DHRSX: variants seen among roughly 807,000 people sequenced by gnomAD.
The protein encoded by DHRSX is dehydrogenase/reductase X-linked.
DHRSX carries 31 observed loss-of-function variants against 34.0 expected under a neutral mutation model. The ratio of observed to expected loss-of-function variants is 0.91; its 90% CI spans 0.69 to 1.23. DHRSX has a LOEUF of 1.23. DHRSX is among the 50% of genes most tolerant of loss of function. The pLI is 0.00. For synonymous variants in DHRSX, 201 were observed against 183.8 expected, an observed-to-expected ratio of 1.09 and a Z score of -0.76; for missense variants, 414 against 428.1, an observed-to-expected ratio of 0.97 and a Z score of 0.29.
intron 3 of DHRSX, among the ~76,000 whole-genome samples, chrX:2,337,300 T>C (rs2042581155): frequency 6.6e-6 from 1 of 152,108 alleles, no homozygotes. Context: ...ACTTTCATTC[T>C]ATATTCTTTC....
At chrX:2,387,858 C>CA (rs1569496250) in intron 3 of DHRSX, among the ~76,000 whole-genome samples, 7 of 99,416 alleles carry the variant, frequency 7.0e-5, no homozygotes. Flanking sequence ...TCACAGCAGG[C>CA]GGAAAAAAAA....
intron 1 of DHRSX, among the ~76,000 whole-genome samples, chrX:2,476,669 G>A (rs1233417796): frequency 6.6e-6 from 1 of 152,088 alleles, no homozygotes; most frequent in African/African-American, 2.4e-5. Flanking sequence ...ATAAAGAAAA[G>A]GTGGTGTACA....
chrX:2,408,122 T>C (rs1010243454), intron 3 of DHRSX, among the ~76,000 whole-genome samples: 7 of 82,032 alleles, frequency 8.5e-5, no homozygotes, highest in African/African-American at 3.5e-4. Context: ...TCTTTCTTTC[T>C]TTTTTTTTTT....
intron 3 of DHRSX, among the ~76,000 whole-genome samples, chrX:2,317,434 G>A (rs2042254474): frequency 6.8e-6 from 1 of 147,496 alleles, no homozygotes; most frequent in South Asian, 2.1e-4. Context: ...TTATTTTTCA[G>A]TACAGACGGG....
intron 1 of DHRSX, among the ~76,000 whole-genome samples, chrX:2,478,983 G>T (rs1288164673): frequency 1.3e-5 from 2 of 151,396 alleles, no homozygotes; most frequent in African/African-American, 2.4e-5. Context: ...CATTCCCTAG[G>T]CATGGGGCCA....
intron 3 of DHRSX, among the ~76,000 whole-genome samples, chrX:2,344,051 T>C (rs1046133191): frequency 1.3e-5 from 2 of 152,038 alleles, no homozygotes; most frequent in African/African-American, 2.4e-5. Flanking sequence ...TGAAATAGCA[T>C]CAATAAAAGG....
At chrX:2,245,953 C>T (rs1236627091) in intron 5 of DHRSX, among the ~76,000 whole-genome samples, 1 of 137,050 alleles carries the variant, frequency 7.3e-6, no homozygotes, top group African/African-American at 2.8e-5. Flanking sequence ...GAGAGTGAGA[C>T]TCCATCTCAA....
intron 3 of DHRSX, among the ~76,000 whole-genome samples, chrX:2,405,841 C>T (rs2043546960): frequency 1.3e-5 from 2 of 151,822 alleles, no homozygotes; most frequent in Admixed American, 1.3e-4. Flanking sequence ...ACCCATCCCC[C>T]ACTTGGGGGA....
chrX:2,235,392 C>T (rs1476546091), intron 6 of DHRSX, among the ~76,000 whole-genome samples: 2 of 152,124 alleles, frequency 1.3e-5, no homozygotes, highest in African/African-American at 4.8e-5. Context: ...TGCAATGTCT[C>T]CATGCAAGAA....
At chrX:2,293,115 G>C (rs1454393383) in intron 3 of DHRSX, among the ~76,000 whole-genome samples, 2 of 152,066 alleles carry the variant, frequency 1.3e-5, no homozygotes, top group Non-Finnish European at 2.9e-5. Context: ...GAATGACTCA[G>C]GGACAGCTTT....
intron 3 of DHRSX, among the ~76,000 whole-genome samples, chrX:2,303,784 G>A (rs2042046205): frequency 1.3e-5 from 1 of 78,876 alleles, no homozygotes; most frequent in African/African-American, 4.5e-5. Flanking sequence ...TGGATGGATG[G>A]ATGGATGGGT....
chrX:2,374,218 T>C (rs2043113879), intron 3 of DHRSX, among the ~76,000 whole-genome samples: 1 of 152,150 alleles, frequency 6.6e-6, no homozygotes, highest in African/African-American at 2.4e-5. Flanking sequence ...TACACAGGCA[T>C]GCCACCGTGC....
chrX:2,231,815 T>TC (rs201007555), intron 6 of DHRSX, among the ~76,000 whole-genome samples: 58,219 of 147,514 alleles, frequency 0.39, 13,763 homozygotes, highest in East Asian at 0.75. Context: ...CTCTCTCCCT[T>TC]CCTCTTCCTT....
chrX:2,419,978 T>A (rs1309654623), intron 2 of DHRSX, among the ~76,000 whole-genome samples: 2 of 151,914 alleles, frequency 1.3e-5, no homozygotes, highest in African/African-American at 2.4e-5. Context: ...TAATAAAATT[T>A]TAAAAAAAAA....
chrX:2,440,582 C>T (rs925862818), intron 1 of DHRSX, among the ~76,000 whole-genome samples: 1 of 151,712 alleles, frequency 6.6e-6, no homozygotes, highest in Non-Finnish European at 1.5e-5. Context: ...GGCTGGAGTG[C>T]AGTGGCGGGA....
At chrX:2,431,804 G>A (rs963189192) in intron 1 of DHRSX, among the ~76,000 whole-genome samples, 7 of 152,144 alleles carry the variant, frequency 4.6e-5, no homozygotes, top group Non-Finnish European at 5.9e-5. Context: ...TGAGTGCTGT[G>A]CTGACTACCT....
chrX:2,322,407 G>A (rs998571149), intron 3 of DHRSX, among the ~76,000 whole-genome samples: 1 of 151,790 alleles, frequency 6.6e-6, no homozygotes, highest in African/African-American at 2.4e-5. Context: ...AAATTAGCTG[G>A]GCGTGGTGGC....
chrX:2,357,072 C>T (rs1041744925), intron 3 of DHRSX, among the ~76,000 whole-genome samples: 3 of 152,102 alleles, frequency 2.0e-5, no homozygotes, highest in South Asian at 2.1e-4. Context: ...GGTAAAACCC[C>T]GTCTCTACTG....
At chrX:2,334,276 T>G (rs768052789) in intron 3 of DHRSX, 1 of 149,006 alleles carries the variant, frequency 6.7e-6, no homozygotes, top group African/African-American at 2.5e-5. Flanking sequence ...TGATTCTCCC[T>G]GCCTTAGCCT....
Sources: allele counts gnomAD v4.1 joint callset (sites outside exome capture counted in the v4.1 genomes callset), GRCh38; gene constraint gnomAD v4.1.1; transcripts MANE v1.5; gene names NCBI Gene and HGNC (gene_info 2026-07-23, HGNC 2026-07-21).